Variants in ADGRL2 observed in about 807,000 individuals in gnomAD.
ADGRL2 encodes the protein calcium-independent alpha-latrotoxin receptor 2.
ADGRL2 carries 44 observed loss-of-function variants against 157.4 expected under a neutral mutation model. That is an observed-to-expected ratio of 0.28 (90% CI 0.22 to 0.36). The LOEUF is 0.36. Among genes scored for constraint, ADGRL2 ranks in the 10% least tolerant of loss-of-function variants. ADGRL2 has a pLI of 1.00. For missense variants in ADGRL2, 1,510 were observed against 1,768.9 expected, an observed-to-expected ratio of 0.85 and a Z score of 2.63; for synonymous variants, 585 against 624.7, an observed-to-expected ratio of 0.94 and a Z score of 0.95.
chr1:81,562,349 C>T (rs2080462316), intron 2 of ADGRL2, among the ~76,000 whole-genome samples: 1 of 152,024 alleles, frequency 6.6e-6, no homozygotes, highest in Non-Finnish European at 1.5e-5. Flanking sequence ...TCTATAAATC[C>T]ACACCACCCA....
At chr1:81,804,661 G>A (rs1363233754) in intron 1 of ADGRL2, among the ~76,000 whole-genome samples, 1 of 152,190 alleles carries the variant, frequency 6.6e-6, no homozygotes, top group African/African-American at 2.4e-5. Flanking sequence ...TAAATGGTTT[G>A]TTCCTAGAAA....
At chr1:81,332,437 A>G (rs1661339157) in intron 1 of ADGRL2, among the ~76,000 whole-genome samples, 1 of 152,210 alleles carries the variant, frequency 6.6e-6, no homozygotes, top group African/African-American at 2.4e-5. Context: ...AATATTTAAT[A>G]TGCCAATCAA....
intron 3 of ADGRL2, among the ~76,000 whole-genome samples, chr1:81,654,239 C>T (rs2082482755): frequency 6.6e-6 from 1 of 152,226 alleles, no homozygotes; most frequent in African/African-American, 2.4e-5. Context: ...AGCCACCACA[C>T]CCAGCCTCCG....
At chr1:81,355,581 G>A (rs933617632) in intron 1 of ADGRL2, among the ~76,000 whole-genome samples, 2 of 152,138 alleles carry the variant, frequency 1.3e-5, no homozygotes, top group Non-Finnish European at 2.9e-5. Context: ...AAAAGTGAAG[G>A]TTTATAGTTG....
intron 18 of ADGRL2, chr1:81,980,957 A>T (rs959418232): frequency 2.0e-6 from 1 of 488,832 alleles, no homozygotes; most frequent in Non-Finnish European, 3.8e-6. Context: ...AATTTGCTAT[A>T]GTATTTTTAA....
At chr1:81,842,250 G>A (rs1026578232) in intron 2 of ADGRL2, among the ~76,000 whole-genome samples, 8 of 151,770 alleles carry the variant, frequency 5.3e-5, no homozygotes, top group Non-Finnish European at 1.0e-4. Context: ...TTGTTTCTTG[G>A]GAGTTAGTAT....
intron 1 of ADGRL2, among the ~76,000 whole-genome samples, chr1:81,813,930 G>C (rs2090129260): frequency 6.6e-6 from 1 of 151,620 alleles, no homozygotes; most frequent in African/African-American, 2.4e-5. Context: ...GAGGTTACTG[G>C]AAAGGCACAG....
chr1:81,640,632 A>AAAATAAATAAATAAAT (rs3045494), intron 3 of ADGRL2, among the ~76,000 whole-genome samples: 1,424 of 139,624 alleles, frequency 0.01, 13 homozygotes, highest in Middle Eastern at 0.032. Flanking sequence ...CTCCATCTCA[A>AAAATAAATAAATAAAT]AAATAAATAA....
intron 2 of ADGRL2, among the ~76,000 whole-genome samples, chr1:81,875,481 A>G (rs921338439): frequency 5.3e-5 from 8 of 152,172 alleles, no homozygotes; most frequent in Admixed American, 4.6e-4. Flanking sequence ...GTTATGTTCT[A>G]TTACATTGTT....
chr1:81,566,721 G>T (rs182490412), intron 2 of ADGRL2, among the ~76,000 whole-genome samples: 22 of 152,204 alleles, frequency 1.4e-4, no homozygotes, highest in Non-Finnish European at 2.5e-4. Context: ...AACAGGAAAA[G>T]GGTGACTTCT....
intron 1 of ADGRL2, among the ~76,000 whole-genome samples, chr1:81,341,472 G>A (rs1393946930): frequency 1.3e-5 from 2 of 151,158 alleles, no homozygotes; most frequent in Non-Finnish European, 2.9e-5. Context: ...TTTTTATGTA[G>A]GCCTATTTTT....
chr1:81,939,301 C>G (rs1444906125), intron 4 of ADGRL2, among the ~76,000 whole-genome samples: 1 of 151,352 alleles, frequency 6.6e-6, no homozygotes, highest in African/African-American at 2.4e-5. Flanking sequence ...ATTGTCATTG[C>G]CAGACTGTTA....
At chr1:81,472,346 C>T (rs2078188276) in intron 2 of ADGRL2, among the ~76,000 whole-genome samples, 1 of 152,196 alleles carries the variant, frequency 6.6e-6, no homozygotes, top group Non-Finnish European at 1.5e-5. Flanking sequence ...TGCATTTAGG[C>T]CGTGCACCAT....
chr1:81,523,502 A>AT (rs1201037718), intron 2 of ADGRL2, among the ~76,000 whole-genome samples: 1 of 152,186 alleles, frequency 6.6e-6, no homozygotes, highest in Admixed American at 6.5e-5. Context: ...ATAAGTCAAT[A>AT]TTTTTTAAAA....
At chr1:81,953,687 C>G (rs759003588) in intron 10 of ADGRL2, among the ~76,000 whole-genome samples, 2 of 152,116 alleles carry the variant, frequency 1.3e-5, no homozygotes, top group African/African-American at 2.4e-5. Flanking sequence ...CATGCTGAGG[C>G]TGCCATAGTG....
At position 81,787,661 on chromosome 1, in the gene ADGRL2, A is replaced by G. The variant is rs549567440; in HGVS notation, c.-101+25809A>G. Among the ~76,000 whole-genome samples, 398 of 152,272 alleles carry G rather than the reference A, an allele frequency of 2.6e-3. 1 individual carries two copies. Among genetic ancestry groups the G allele is most frequent in the African/African-American group, 9.0e-3 (374 of 41,548 alleles). On this transcript the variant is annotated intron_variant, in intron 2 of 20. Coordinates refer to the ADGRL2 transcript ENST00000359929. ...CAGAGCAAGACACTTGTCTCAAAAA[A>G]AAAAGAAAAGTTTAAGATAAAACAT... is the stretch of plus-strand genomic sequence containing the variant.
rs187139161 is a variant in ADGRL2 at position 81,488,598 on chromosome 1, C to A, written c.-248+43509C>A. Among the ~76,000 whole-genome samples the A allele has an allele frequency of 4.5e-3, 676 of 151,734 alleles. 7 individuals are homozygous for A. The highest frequency in any genetic ancestry group is 0.015 in the African/African-American group (630 of 41,352). ...GTGGCACACACCTGTAGTCCAGCTA[C>A]CTGGGAGGCTGAGGTGAGAAGATAG... On this transcript the variant is annotated intron_variant, in intron 2 of 24. Coordinates refer to the ADGRL2 transcript ENST00000370721.
At chr1:81,666,306 G>T (rs2082749381) in intron 3 of ADGRL2, among the ~76,000 whole-genome samples, 1 of 152,112 alleles carries the variant, frequency 6.6e-6, no homozygotes, top group African/African-American at 2.4e-5. Flanking sequence ...CAATGAAGTG[G>T]TTTCTGTGGA....
chr1:81,623,693 G>A, intron 3 of ADGRL2, among the ~76,000 whole-genome samples: 1 of 144,154 alleles, frequency 6.9e-6, no homozygotes, highest in Non-Finnish European at 1.5e-5. Context: ...TTGGAGTGCA[G>A]TGGCGTGATC....
Sources: allele counts gnomAD v4.1 joint callset (sites outside exome capture counted in the v4.1 genomes callset), GRCh38; gene constraint gnomAD v4.1.1; transcripts MANE v1.5; gene names NCBI Gene and HGNC (gene_info 2026-07-23, HGNC 2026-07-21).